The following ZC3H11A variants were observed in gnomAD, a reference collection of about 807,000 sequenced individuals.
The protein encoded by ZC3H11A is zinc finger CCCH domain-containing protein 11A.
Under a neutral mutation model 90.8 loss-of-function variants are expected in ZC3H11A, and 22 were observed. The ratio of observed to expected loss-of-function variants is 0.24; its 90% CI spans 0.17 to 0.35. The LOEUF (loss-of-function observed/expected upper bound fraction) is 0.35, where lower values mean the gene tolerates loss of function less well. Among genes scored for constraint, ZC3H11A ranks in the 10% least tolerant of loss-of-function variants. ZC3H11A has a pLI of 1.00. For missense variants in ZC3H11A, 701 were observed against 964.9 expected, an observed-to-expected ratio of 0.73 and a Z score of 3.62; for synonymous variants, 294 against 339.8, an observed-to-expected ratio of 0.87 and a Z score of 1.48.
At chr1:203,835,847 C>CT in intron 10 of ZC3H11A, 1 of 241,810 alleles carries the variant, frequency 4.1e-6, no homozygotes, top group Non-Finnish European at 9.1e-6. Flanking sequence ...CTATGTGCTC[C>CT]CTTTTTTTCC....
At chr1:203,822,798 C>G (rs531660380) in intron 4 of ZC3H11A, among the ~76,000 whole-genome samples, 2 of 152,264 alleles carry the variant, frequency 1.3e-5, no homozygotes, top group East Asian at 3.9e-4. Context: ...GGATACCTTC[C>G]TATTCTCAGT....
intron 4 of ZC3H11A, among the ~76,000 whole-genome samples, chr1:203,823,361 A>G (rs1245747712): frequency 6.6e-6 from 1 of 152,256 alleles, no homozygotes; most frequent in African/African-American, 2.4e-5. Flanking sequence ...GCAGCAATGC[A>G]TGTGTGGTAT....
intron 4 of ZC3H11A, among the ~76,000 whole-genome samples, chr1:203,827,771 TG>T (rs1681052584): frequency 6.6e-6 from 1 of 152,104 alleles, no homozygotes. Flanking sequence ...AATTCATGAA[TG>T]GGAAGAATTT....
intron 1 of ZC3H11A, chr1:203,798,048 C>T: frequency 6.5e-7 from 1 of 1,535,432 alleles, no homozygotes; most frequent in Non-Finnish European, 8.7e-7. Context: ...TCAACGACAT[C>T]TGCAAGCAAG....
At chr1:203,844,012 C>A (rs560208376) in intron 12 of ZC3H11A, among the ~76,000 whole-genome samples, 1 of 151,966 alleles carries the variant, frequency 6.6e-6, no homozygotes, top group Non-Finnish European at 1.5e-5. Context: ...CATGCGCTAC[C>A]ACGCCCGGCT....
chr1:203,833,173 G>A (rs1485127066), intron 9 of ZC3H11A, among the ~76,000 whole-genome samples: 1 of 152,118 alleles, frequency 6.6e-6, no homozygotes, highest in African/African-American at 2.4e-5. Context: ...TTCGAGACCA[G>A]CCCGACCAAC....
intron 2 of ZC3H11A, among the ~76,000 whole-genome samples, chr1:203,814,527 GA>G (rs1207906868): frequency 2.1e-5 from 3 of 146,316 alleles, no homozygotes; most frequent in East Asian, 4.0e-4. Flanking sequence ...CCATCTCAAA[GA>G]AAAAAAAAAG....
chr1:203,824,566 A>G (rs959252861), intron 4 of ZC3H11A, among the ~76,000 whole-genome samples: 4 of 152,216 alleles, frequency 2.6e-5, no homozygotes, highest in South Asian at 2.1e-4. Context: ...GTCATCTGAC[A>G]TGTGTCACAT....
chr1:203,828,246 GA>G, intron 4 of ZC3H11A, 52 bp from the exon 5 acceptor site: 1 of 1,607,482 alleles, frequency 6.2e-7, no homozygotes, highest in Non-Finnish European at 8.5e-7. Flanking sequence ...ACTGCCACAT[GA>G]ATATACGTAT....
At chr1:203,846,212 A>G (rs1478519835) in intron 12 of ZC3H11A, among the ~76,000 whole-genome samples, 1 of 147,622 alleles carries the variant, frequency 6.8e-6, no homozygotes, top group Non-Finnish European at 1.5e-5. Context: ...ATATATGTGT[A>G]TGATCTCCAA....
At chr1:203,841,150 T>A (rs1028279236) in intron 12 of ZC3H11A, among the ~76,000 whole-genome samples, 4 of 136,346 alleles carry the variant, frequency 2.9e-5, no homozygotes, top group African/African-American at 5.5e-5. Context: ...ATCTTTTTTT[T>A]TTTTTTATTT....
chr1:203,820,919 A>G (rs1678431229), intron 4 of ZC3H11A, among the ~76,000 whole-genome samples: 1 of 152,124 alleles, frequency 6.6e-6, no homozygotes, highest in African/African-American at 2.4e-5. Context: ...ATTAATAAAT[A>G]TTTTGTGGAG....
chr1:203,844,587 C>T (rs573877810), intron 12 of ZC3H11A, among the ~76,000 whole-genome samples: 1 of 151,780 alleles, frequency 6.6e-6, no homozygotes, highest in Admixed American at 6.6e-5. Context: ...GTTGTTTTTC[C>T]ATAGTTGTAA....
chr1:203,809,508 T>C (rs1450931369), intron 2 of ZC3H11A, among the ~76,000 whole-genome samples: 1 of 152,150 alleles, frequency 6.6e-6, no homozygotes, highest in Non-Finnish European at 1.5e-5. Flanking sequence ...TGTTCATTTG[T>C]AGCAATGCTA....
Position 203,826,938 on chromosome 1 carries a change from T to C in ZC3H11A, c.175-1361T>C, listed in dbSNP as rs60832313. 1.8e-3 allele frequency among the ~76,000 whole-genome samples: 277 copies of C among 152,234 alleles called. 6 individuals are homozygous for C. In the East Asian group the frequency reaches 0.042, roughly 23 times the overall value. ...AGTTCAAGAAATAGAGTATTAGCAG[T>C]AATCTATCTTCCCCTTCATCCCCTT... On this transcript the variant is annotated intron_variant, in intron 4 of 17. Coordinates refer to ENST00000367210, the MANE Select transcript of ZC3H11A (RefSeq NM_001376342.1).
intron 2 of ZC3H11A, among the ~76,000 whole-genome samples, chr1:203,815,561 A>G (rs1041238158): frequency 2.0e-5 from 3 of 151,956 alleles, no homozygotes; most frequent in African/African-American, 7.2e-5. Flanking sequence ...TTTATTGTGC[A>G]TTGTTACCTT....
intron 5 of ZC3H11A, among the ~76,000 whole-genome samples, 182 bp downstream of exon 5, chr1:203,828,604 A>G (rs1321382761): frequency 6.6e-6 from 1 of 152,202 alleles, no homozygotes; most frequent in Non-Finnish European, 1.5e-5. Flanking sequence ...CCTTAGAACC[A>G]TTATATATCT....
At chr1:203,797,462 T>A (rs1668927546) in intron 1 of ZC3H11A, 3 of 1,407,614 alleles carry the variant, frequency 2.1e-6, no homozygotes, top group Non-Finnish European at 2.8e-6. Flanking sequence ...ACAGCTGTAT[T>A]TCTGCTTGAG....
intron 17 of ZC3H11A, among the ~76,000 whole-genome samples, chr1:203,851,403 C>T (rs146483722): frequency 0.011 from 1,605 of 152,298 alleles, 19 homozygotes; most frequent in African/African-American, 0.035. Context: ...AATCTCTGCT[C>T]ACTGCAACCT....
Sources: allele counts gnomAD v4.1 joint callset (sites outside exome capture counted in the v4.1 genomes callset), GRCh38; gene constraint gnomAD v4.1.1; transcripts MANE v1.5; gene names NCBI Gene and HGNC (gene_info 2026-07-23, HGNC 2026-07-21).